The following ADGRA1 variants were observed in gnomAD, a reference collection of about 807,000 sequenced individuals.
The protein encoded by ADGRA1 is G-protein coupled receptor 123.
In ADGRA1, 12 loss-of-function variants were observed where a neutral mutation model predicts 21.3. The observed-to-expected ratio is 0.56, with a 90% CI of 0.36 to 0.91. ADGRA1 has a LOEUF of 0.91. ADGRA1 is among the 40% of genes least tolerant of loss of function. ADGRA1 has a pLI of 0.01. For synonymous variants in ADGRA1, 385 were observed against 368.8 expected (o/e 1.04, Z -0.50); for missense variants, 790 against 805.6 (o/e 0.98, Z 0.23).
chr10:133,092,803 GAGGGA>G (rs1179333202), intron 2 of ADGRA1, among the ~76,000 whole-genome samples: 1 of 117,208 alleles, frequency 8.5e-6, no homozygotes, highest in African/African-American at 3.5e-5. Context: ...GGAAGAGAGG[GAGGGA>G]AGGGAGGGAA....
chr10:133,105,252 C>T (rs1010607023), intron 5 of ADGRA1, among the ~76,000 whole-genome samples: 6 of 152,226 alleles, frequency 3.9e-5, no homozygotes, highest in Non-Finnish European at 8.8e-5. Context: ...CACTTCCTGC[C>T]GGACCCTCCG....
At chr10:133,093,532 C>T (rs1249035821) in intron 2 of ADGRA1, among the ~76,000 whole-genome samples, 2 of 152,336 alleles carry the variant, frequency 1.3e-5, no homozygotes, top group East Asian at 1.9e-4. Flanking sequence ...GATGGATGCC[C>T]GCCTTCCCCA....
At chr10:133,100,431 C>T (rs887438185) in intron 4 of ADGRA1, among the ~76,000 whole-genome samples, 4 of 152,222 alleles carry the variant, frequency 2.6e-5, no homozygotes, top group Non-Finnish European at 5.9e-5. Context: ...GGGTGAGGCC[C>T]CCCGAGGGCC....
At chr10:133,115,670 C>G (rs971392720) in intron 5 of ADGRA1, among the ~76,000 whole-genome samples, 1 of 152,104 alleles carries the variant, frequency 6.6e-6, no homozygotes, top group Non-Finnish European at 1.5e-5. Context: ...TCAGCACAGC[C>G]GAGGGTCGGC....
At position 133,096,857 on chromosome 10, in the gene ADGRA1, C is replaced by G. The variant is rs1013620034; in HGVS notation, c.4-117C>G. 3 of 1,305,546 alleles carry G rather than the reference C, an allele frequency of 2.3e-6. No homozygotes were observed. In the East Asian group the frequency reaches 7.2e-5, roughly 31 times the overall value. 80.9% of individuals were successfully genotyped at this position (1,305,546 alleles called of 1,614,324 possible). A position where few individuals can be genotyped will look rare whatever the true frequency, so the allele number is the denominator to read the frequency against. On this transcript the variant is annotated intron_variant, in intron 2 of 6. Transcript: ENST00000392607. ...AGCCCCCCTTCCCTGAGACCCCACA[C>G]GAAAATGCCTGGAGCGGCTGCAGGG... is the stretch of plus-strand genomic sequence containing the variant.
intron 5 of ADGRA1, among the ~76,000 whole-genome samples, chr10:133,120,221 T>A (rs1852229330): frequency 6.6e-6 from 1 of 152,140 alleles, no homozygotes; most frequent in Non-Finnish European, 1.5e-5. Context: ...CTGGCCAAGA[T>A]GGCAAAACCC....
At chr10:133,099,635 C>G (rs114301093) in intron 4 of ADGRA1, among the ~76,000 whole-genome samples, 1,576 of 152,326 alleles carry the variant, frequency 0.01, 11 homozygotes, top group Middle Eastern at 0.041. Context: ...TAAGCCCTGT[C>G]CTCCTCCACT....
In ADGRA1 at chr10:133,127,257, C is replaced by G. The variant is rs750129936; in HGVS notation, c.426C>G (p.Val142=). The change falls in exon 6 of 7, where the codon GTC becomes GTG. Residue 142 remains valine (V), a synonymous_variant. Coordinates refer to ENST00000392607, the MANE Select transcript of ADGRA1 (RefSeq NM_001083909.3). ...LLRFYLVSGG[V]PFIICGVTAA... ...GGTTTTACCTCGTCAGCGGAGGGGTCCCCTTTATCATCTGTGGGGTCACGG... is the reference window on the plus strand; with the variant it reads ...GGTTTTACCTCGTCAGCGGAGGGGTGCCCTTTATCATCTGTGGGGTCACGG... 1.9e-6 allele frequency: 3 copies of G among 1,590,200 alleles called. No homozygotes were observed. Among genetic ancestry groups the G allele is most frequent in the Non-Finnish European group, 1.7e-6 (2 of 1,171,052 alleles).
At chr10:133,089,432 G>C (rs539328221) in intron 2 of ADGRA1, among the ~76,000 whole-genome samples, 46 of 152,362 alleles carry the variant, frequency 3.0e-4, no homozygotes, top group African/African-American at 1.1e-3. Flanking sequence ...GTGTTTCAGC[G>C]GGAAGGGGCT....
chr10:133,122,800 G>GCCAGGCACACGCATCC (rs565468978), intron 5 of ADGRA1, among the ~76,000 whole-genome samples: 270 of 145,856 alleles, frequency 1.9e-3, no homozygotes, highest in Admixed American at 3.7e-3. Flanking sequence ...CGGTTCACCA[G>GCCAGGCACACGCATCC]CCAGGCACAC....
intron 5 of ADGRA1, among the ~76,000 whole-genome samples, chr10:133,126,465 C>T (rs1319006381): frequency 6.6e-6 from 1 of 152,116 alleles, no homozygotes; most frequent in Non-Finnish European, 1.5e-5. Flanking sequence ...GGGGAGACAG[C>T]GTCCATGGGG....
Position 133,097,070 on chromosome 10 carries a change from G to A in ADGRA1, c.100G>A (p.Ala34Thr). 6.2e-7 allele frequency: 1 copy of A among 1,608,376 alleles called. No individual in the cohort carries two copies. The change falls in exon 3 of 7, where the codon GCC (alanine) becomes ACC (threonine). Residue 34 changes from alanine to threonine, a missense_variant. Coordinates refer to ENST00000392607, the MANE Select transcript of ADGRA1 (RefSeq NM_001083909.3). Reference sequence around the variant, plus strand: ...GGCCGTCATGCTGCTCTGCCTCCTGGCCTCCTTCGTCACCTACATCGTGCA... The same window carrying A: ...GGCCGTCATGCTGCTCTGCCTCCTGACCTCCTTCGTCACCTACATCGTGCA... ...CTAVMLLCLLASFVTYIVHQS... is the reference protein window; with the variant it reads ...CTAVMLLCLLTSFVTYIVHQS...
intron 2 of ADGRA1, 54 bp downstream of exon 2, chr10:133,088,966 G>T (rs754521303): frequency 2.4e-6 from 3 of 1,235,784 alleles, no homozygotes; most frequent in Non-Finnish European, 3.0e-6. Flanking sequence ...CGCTGCGGGG[G>T]GGCGGCCACC....
Position 133,128,313 on chromosome 10 carries a change from G to C in ADGRA1, c.501-16G>C, listed in dbSNP as rs1362764086. Reference sequence around the variant, plus strand: ...CCGTGCTGGCCCCGCTGACACTGACGTGCGTCTCCCCACAGCTGCTGGATG... The same window carrying C: ...CCGTGCTGGCCCCGCTGACACTGACCTGCGTCTCCCCACAGCTGCTGGATG... On this transcript the variant is annotated splice_polypyrimidine_tract_variant and intron_variant, in intron 6 of 6. Coordinates refer to ENST00000392607, the MANE Select transcript of ADGRA1 (RefSeq NM_001083909.3). 2 of 1,516,994 alleles carry C rather than the reference G, an allele frequency of 1.3e-6. No homozygotes were observed. The highest frequency in any genetic ancestry group is 1.8e-6 in the Non-Finnish European group (2 of 1,136,468). The allele number at this position is 1,516,994 out of a possible 1,614,324, so 94.0% of individuals were successfully genotyped here.
chr10:133,096,394 C>T (rs547909454), intron 2 of ADGRA1, among the ~76,000 whole-genome samples: 1 of 152,348 alleles, frequency 6.6e-6, no homozygotes, highest in Non-Finnish European at 1.5e-5. Context: ...GACCCTGAAC[C>T]CTTTTCTTGG....
chr10:133,113,404 G>A (rs530635776), intron 5 of ADGRA1, among the ~76,000 whole-genome samples: 2 of 152,356 alleles, frequency 1.3e-5, no homozygotes, highest in East Asian at 3.9e-4. Context: ...CAGGCGCTGA[G>A]GGATGCTTGA....
At chr10:133,095,300 T>G (rs1448364998) in intron 2 of ADGRA1, among the ~76,000 whole-genome samples, 1 of 151,920 alleles carries the variant, frequency 6.6e-6, no homozygotes, top group Non-Finnish European at 1.5e-5. Context: ...AGGGTGGGGC[T>G]CTCCTGGGCC....
intron 2 of ADGRA1, among the ~76,000 whole-genome samples, chr10:133,094,725 G>A (rs1405423037): frequency 6.6e-6 from 1 of 152,158 alleles, no homozygotes; most frequent in African/African-American, 2.4e-5. Flanking sequence ...GAACTGTGTA[G>A]AGCGTTCAGG....
At chr10:133,105,135 G>A (rs1173979260) in intron 5 of ADGRA1, among the ~76,000 whole-genome samples, 1 of 152,216 alleles carries the variant, frequency 6.6e-6, no homozygotes, top group Non-Finnish European at 1.5e-5. Flanking sequence ...TGAGTTCCAA[G>A]AATCTTGCGG....
Sources: gnomAD v4.1 joint callset for allele counts (sites outside exome capture counted in the v4.1 genomes callset) on GRCh38, gnomAD v4.1.1 for gene constraint, MANE v1.5 for transcripts, NCBI Gene and HGNC (gene_info 2026-07-23, HGNC 2026-07-21) for gene names.